Variants in DLGAP2 observed in about 807,000 individuals in gnomAD.
DLGAP2 encodes DLG associated protein 2, also known as disks large-associated protein 2.
A neutral mutation model predicts 100.3 loss-of-function variants in DLGAP2; 26 were observed. The ratio of observed to expected loss-of-function variants is 0.26; its 90% CI spans 0.19 to 0.36. The LOEUF is 0.36. DLGAP2 is among the 10% of genes least tolerant of loss of function. The pLI is 1.00. For synonymous variants in DLGAP2, 886 were observed against 630.1 expected, an observed-to-expected ratio of 1.41 and a Z score of -6.08; for missense variants, 1,858 against 1,453.2, an observed-to-expected ratio of 1.28 and a Z score of -4.53.
intron 2 of DLGAP2, among the ~76,000 whole-genome samples, chr8:1,024,000 T>C (rs1056435904): frequency 3.3e-5 from 5 of 151,848 alleles, no homozygotes; most frequent in African/African-American, 1.2e-4. Context: ...CCACCTCTTG[T>C]GTCTCAGGGC....
At chr8:1,619,402 C>T (rs1797257612) in intron 6 of DLGAP2, among the ~76,000 whole-genome samples, 1 of 152,164 alleles carries the variant, frequency 6.6e-6, no homozygotes, top group South Asian at 2.1e-4. Context: ...AGACCTGTGC[C>T]TTTCACTGTC....
At chr8:1,000,887 C>A (rs757292893) in intron 2 of DLGAP2, among the ~76,000 whole-genome samples, 1 of 152,042 alleles carries the variant, frequency 6.6e-6, no homozygotes, top group Admixed American at 6.6e-5. Context: ...CCTTGCTCAT[C>A]GGGTGCTGAT....
At chr8:902,615 GC>G (rs2128997643) in intron 1 of DLGAP2, among the ~76,000 whole-genome samples, 1 of 42,236 alleles carries the variant, frequency 2.4e-5, no homozygotes, top group Non-Finnish European at 4.3e-5. Context: ...GGAGATGGAT[GC>G]CAGGGGTCGG....
intron 2 of DLGAP2, among the ~76,000 whole-genome samples, chr8:1,095,977 A>G (rs1429049505): frequency 6.6e-6 from 1 of 152,236 alleles, no homozygotes. Context: ...AATATTTTAA[A>G]AACAAAATTA....
intron 2 of DLGAP2, among the ~76,000 whole-genome samples, chr8:1,187,937 C>T (rs1276615310): frequency 8.0e-6 from 1 of 125,504 alleles, no homozygotes; most frequent in Non-Finnish European, 1.5e-5. Context: ...TCTTGCACGC[C>T]CGGGACTTCC....
chr8:1,052,494 A>C (rs771258650), intron 2 of DLGAP2, among the ~76,000 whole-genome samples: 1 of 152,180 alleles, frequency 6.6e-6, no homozygotes, highest in African/African-American at 2.4e-5. Flanking sequence ...AGGAGGGAGT[A>C]TCATCTTTGG....
intron 1 of DLGAP2, among the ~76,000 whole-genome samples, chr8:854,066 C>T (rs868165685): frequency 1.5e-4 from 23 of 152,130 alleles, no homozygotes; most frequent in Admixed American, 5.2e-4. Flanking sequence ...GAGTGGAATC[C>T]GCTGTGCCTG....
intron 1 of DLGAP2, among the ~76,000 whole-genome samples, chr8:842,906 C>G (rs972481020): frequency 6.6e-6 from 1 of 152,058 alleles, no homozygotes; most frequent in Non-Finnish European, 1.5e-5. Flanking sequence ...TTACATTGTT[C>G]TTTTCTGCCT....
intron 2 of DLGAP2, among the ~76,000 whole-genome samples, chr8:1,164,623 A>G (rs1310730137): frequency 2.0e-5 from 3 of 151,786 alleles, no homozygotes; most frequent in South Asian, 2.1e-4. Flanking sequence ...GGGAAGAGCC[A>G]TGCTCAGAAC....
At chr8:1,107,392 C>G (rs1804810966) in intron 2 of DLGAP2, among the ~76,000 whole-genome samples, 2 of 152,220 alleles carry the variant, frequency 1.3e-5, no homozygotes, top group African/African-American at 4.8e-5. Flanking sequence ...CTCAGATCCA[C>G]TCACACAGAG....
chr8:1,692,694 G>T (rs1240959605), intron 13 of DLGAP2, among the ~76,000 whole-genome samples: 1 of 152,078 alleles, frequency 6.6e-6, no homozygotes, highest in Non-Finnish European at 1.5e-5. Flanking sequence ...CTACAATGAA[G>T]AGATTAAGAA....
chr8:1,563,866 T>C (rs1802282180), intron 5 of DLGAP2, among the ~76,000 whole-genome samples: 1 of 152,180 alleles, frequency 6.6e-6, no homozygotes, highest in Non-Finnish European at 1.5e-5. Flanking sequence ...ATATGGACAC[T>C]GGAAAGATGG....
chr8:1,096,587 C>T (rs1172134932), intron 2 of DLGAP2, among the ~76,000 whole-genome samples: 1 of 151,474 alleles, frequency 6.6e-6, no homozygotes, highest in Non-Finnish European at 1.5e-5. Context: ...TAGGGCAGGC[C>T]TTCACCCTCT....
intron 3 of DLGAP2, among the ~76,000 whole-genome samples, chr8:1,493,869 ATC>A (rs1038059368): frequency 1.3e-5 from 2 of 152,230 alleles, no homozygotes; most frequent in Non-Finnish European, 2.9e-5. Context: ...TGCTGACAGC[ATC>A]TGTTTTATGG....
intron 8 of DLGAP2, among the ~76,000 whole-genome samples, chr8:1,636,654 A>G (rs1046389206): frequency 6.6e-6 from 1 of 152,172 alleles, no homozygotes; most frequent in South Asian, 2.1e-4. Context: ...TCTTGTCACA[A>G]AGAGTGGATT....
At chr8:1,552,015 G>C (rs926488466) in intron 5 of DLGAP2, among the ~76,000 whole-genome samples, 5 of 151,772 alleles carry the variant, frequency 3.3e-5, no homozygotes, top group Non-Finnish European at 7.4e-5. Context: ...TTTTTGTTTG[G>C]AACCAGCTGG....
chr8:1,010,771 A>G (rs1177309523), intron 2 of DLGAP2, among the ~76,000 whole-genome samples: 2 of 152,178 alleles, frequency 1.3e-5, no homozygotes, highest in Non-Finnish European at 2.9e-5. Context: ...TGTCTTGAAG[A>G]CTTTTTGTTT....
At chr8:1,113,315 T>C (rs896105099) in intron 2 of DLGAP2, among the ~76,000 whole-genome samples, 1 of 152,238 alleles carries the variant, frequency 6.6e-6, no homozygotes, top group East Asian at 1.9e-4. Flanking sequence ...TTTAATTAAG[T>C]TGATGCTTTC....
chr8:1,548,413 C>G (rs537960395), intron 4 of DLGAP2, among the ~76,000 whole-genome samples: 4 of 141,704 alleles, frequency 2.8e-5, no homozygotes, highest in Non-Finnish European at 4.5e-5. Flanking sequence ...GAGCCGTGAT[C>G]GCGCCATTGC....
Sources: gnomAD v4.1 joint callset for allele counts (sites outside exome capture counted in the v4.1 genomes callset) on GRCh38, gnomAD v4.1.1 for gene constraint, MANE v1.5 for transcripts, NCBI Gene and HGNC (gene_info 2026-07-23, HGNC 2026-07-21) for gene names.